The following RAB10 variants were observed in gnomAD, a reference collection of about 807,000 sequenced individuals.
RAB10 encodes ras-related protein Rab-10.
In RAB10, 5 loss-of-function variants were observed where a neutral mutation model predicts 25.7. The observed-to-expected ratio is 0.19, with a 90% CI of 0.10 to 0.41. RAB10 has a LOEUF of 0.41. Ranked by LOEUF, RAB10 falls within the 10% of genes least tolerant of loss-of-function variation. RAB10 has a pLI of 1.00. For missense variants in RAB10, 103 were observed against 245.8 expected (o/e 0.42, Z 3.89); for synonymous variants, 89 against 86.4 (o/e 1.03, Z -0.16).
At chr2:26,086,025 G>GT (rs1666979452) in intron 1 of RAB10, among the ~76,000 whole-genome samples, 2 of 136,168 alleles carry the variant, frequency 1.5e-5, no homozygotes, top group African/African-American at 5.4e-5. Flanking sequence ...AAAGGGGGGG[G>GT]GCAAAGGGGC....
At chr2:26,090,599 G>T (rs1272479494) in intron 1 of RAB10, among the ~76,000 whole-genome samples, 2 of 147,802 alleles carry the variant, frequency 1.4e-5, no homozygotes, top group Non-Finnish European at 3.0e-5. Context: ...AATTTATTAT[G>T]TCTCACACTG....
intron 1 of RAB10, among the ~76,000 whole-genome samples, chr2:26,075,451 GA>G (rs781704245): frequency 2.0e-5 from 3 of 151,992 alleles, no homozygotes; most frequent in Non-Finnish European, 4.4e-5. Flanking sequence ...GAGGGGTCTT[GA>G]ATGGATAAGC....
rs183117166 is a variant in RAB10, at chr2:26,118,265, C to T, written c.327+8359C>T. On this transcript the variant is annotated intron_variant, in intron 3 of 5. Coordinates refer to ENST00000264710, the MANE Select transcript of RAB10 (RefSeq NM_016131.5). ...GGATTACAGGCGTGAGCTACCACGC[C>T]GGCCAAAAAGATGTTCTTTTAGCTC... Among the ~76,000 whole-genome samples, 14 of 151,910 alleles carry T rather than the reference C, an allele frequency of 9.2e-5. No individual in the cohort carries two copies. In the East Asian group the frequency reaches 2.1e-3, roughly 23 times the overall value.
chr2:26,038,088 G>A (rs896589172), intron 1 of RAB10, among the ~76,000 whole-genome samples: 1 of 151,508 alleles, frequency 6.6e-6, no homozygotes, highest in East Asian at 1.9e-4. Context: ...GTTTCACCAT[G>A]TTGGCCAGGC....
In RAB10 at chr2:26,118,338, G is replaced by C. The variant is rs561882188; in HGVS notation, c.327+8432G>C. ...CCTCCTCCCCCTTTTTTTTGAGACC[G>C]GGTTTCACTGTTTCCCAGGCTGGAG... On this transcript the variant is annotated intron_variant, in intron 3 of 5. Transcript: ENST00000264710. Among the ~76,000 whole-genome samples the C allele has an allele frequency of 5.3e-5, 8 of 150,894 alleles. No homozygotes were observed. In the South Asian group the frequency reaches 1.7e-3, roughly 32 times the overall value.
intron 1 of RAB10, among the ~76,000 whole-genome samples, chr2:26,038,141 G>A (rs964246574): frequency 1.3e-5 from 2 of 150,364 alleles, no homozygotes; most frequent in African/African-American, 4.9e-5. Flanking sequence ...CCGCCTCAGC[G>A]TCTCAAAGTG....
intron 1 of RAB10, among the ~76,000 whole-genome samples, chr2:26,097,024 C>G (rs571017997): frequency 2.0e-3 from 311 of 152,224 alleles, no homozygotes; most frequent in African/African-American, 7.2e-3. Flanking sequence ...CGAGACCAGC[C>G]TGGGCAACGT....
chr2:26,044,627 C>T (rs1665957108), intron 1 of RAB10, among the ~76,000 whole-genome samples: 1 of 151,658 alleles, frequency 6.6e-6, no homozygotes, highest in Admixed American at 6.6e-5. Flanking sequence ...CACACTGCAA[C>T]CTCCACCTCC....
At chr2:26,129,633 G>A (rs529921919) in intron 5 of RAB10, among the ~76,000 whole-genome samples, 1 of 152,130 alleles carries the variant, frequency 6.6e-6, no homozygotes, top group Admixed American at 6.5e-5. Context: ...AGAGTGAAAT[G>A]TAGGTATCTG....
At chr2:26,056,045 C>T (rs994837688) in intron 1 of RAB10, among the ~76,000 whole-genome samples, 1 of 152,018 alleles carries the variant, frequency 6.6e-6, no homozygotes, top group Non-Finnish European at 1.5e-5. Flanking sequence ...CAGGCACACA[C>T]CACCACACCT....
chr2:26,078,259 T>G (rs1161627440), intron 1 of RAB10, among the ~76,000 whole-genome samples: 1 of 152,180 alleles, frequency 6.6e-6, no homozygotes, highest in Admixed American at 6.5e-5. Flanking sequence ...CTACCCAAAT[T>G]GCTCTATAGA....
chr2:26,080,098 A>G (rs1666835724), intron 1 of RAB10, among the ~76,000 whole-genome samples: 1 of 152,232 alleles, frequency 6.6e-6, no homozygotes, highest in Non-Finnish European at 1.5e-5. Flanking sequence ...AAAGGATGGG[A>G]CATGTTAGAA....
chr2:26,101,321 AT>A (rs1438523734), intron 2 of RAB10: 8 of 152,256 alleles, frequency 5.3e-5, no homozygotes, highest in Non-Finnish European at 1.0e-4. Flanking sequence ...AAAGCACTAC[AT>A]AGCAGCCACA....
rs1209416121 is a variant in RAB10, at chr2:26,136,224, C to G, written c.*1203C>G. ...AGTAGTCTGCATTTTGGCAACTCCTCTAGCAGCTTGGTAGCCTAGTACAGG... is the reference window on the plus strand; with the variant it reads ...AGTAGTCTGCATTTTGGCAACTCCTGTAGCAGCTTGGTAGCCTAGTACAGG... On this transcript the variant is annotated 3_prime_UTR_variant, in exon 6 of 6. Coordinates refer to ENST00000264710, the MANE Select transcript of RAB10 (RefSeq NM_016131.5). 1 of 152,580 alleles carries G rather than the reference C, an allele frequency of 6.6e-6. No homozygotes were observed. The highest frequency in any genetic ancestry group is 2.4e-5 in the African/African-American group (1 of 41,426). The allele number at this position is 152,580 out of a possible 1,614,324, so 9.5% of individuals were successfully genotyped here.
At chr2:26,096,523 G>A (rs1187113806) in intron 1 of RAB10, among the ~76,000 whole-genome samples, 2 of 152,126 alleles carry the variant, frequency 1.3e-5, no homozygotes, top group Non-Finnish European at 2.9e-5. Flanking sequence ...TGTTTTGAAG[G>A]TACCTTTTTC....
upstream of RAB10, among the ~76,000 whole-genome samples, chr2:26,033,621 C>CT (rs1665681225): frequency 6.6e-6 from 1 of 152,246 alleles, no homozygotes; most frequent in African/African-American, 2.4e-5. Flanking sequence ...TCCACCTACA[C>CT]GGGAACACAT....
chr2:26,086,802 CG>C (rs1284637711), intron 1 of RAB10, among the ~76,000 whole-genome samples: 3 of 152,160 alleles, frequency 2.0e-5, no homozygotes, highest in African/African-American at 7.2e-5. Context: ...GTCATAAAAA[CG>C]GTATACTAAT....
intron 1 of RAB10, among the ~76,000 whole-genome samples, chr2:26,090,173 CT>C (rs1162872001): frequency 1.3e-5 from 2 of 152,114 alleles, no homozygotes; most frequent in Non-Finnish European, 2.9e-5. Context: ...TTAGTGCTAT[CT>C]TAGAAAGGAT....
At chr2:26,050,281 C>G (rs1666103619) in intron 1 of RAB10, among the ~76,000 whole-genome samples, 1 of 152,150 alleles carries the variant, frequency 6.6e-6, no homozygotes, top group Non-Finnish European at 1.5e-5. Flanking sequence ...ACAGTTTTCC[C>G]TTAGGACTTT....
Sources: gnomAD v4.1 joint callset for allele counts (sites outside exome capture counted in the v4.1 genomes callset) on GRCh38, gnomAD v4.1.1 for gene constraint, MANE v1.5 for transcripts, NCBI Gene and HGNC (gene_info 2026-07-23, HGNC 2026-07-21) for gene names.